Variants in IGF1R observed in about 807,000 individuals in gnomAD.
The protein encoded by IGF1R is insulin-like growth factor 1 receptor.
Under a neutral mutation model 144.6 loss-of-function variants are expected in IGF1R, and 44 were observed. The observed-to-expected ratio is 0.30, with a 90% CI of 0.24 to 0.39. IGF1R has a LOEUF of 0.39. Ranked by LOEUF, IGF1R falls within the 10% of genes least tolerant of loss-of-function variation. The pLI, the probability that IGF1R is intolerant of heterozygous loss-of-function variation, is 1.00. For synonymous variants in IGF1R, 795 were observed against 722.8 expected, an observed-to-expected ratio of 1.10 and a Z score of -1.60; for missense variants, 1,355 against 1,833.7, an observed-to-expected ratio of 0.74 and a Z score of 4.77.
At chr15:98,762,904 G>C (rs1174624245) in intron 2 of IGF1R, among the ~76,000 whole-genome samples, 3 of 151,964 alleles carry the variant, frequency 2.0e-5, no homozygotes, top group Non-Finnish European at 4.4e-5. Context: ...AAATTAGCTG[G>C]GTGTGGTGGC....
chr15:98,867,504 C>CATA lies in IGF1R; in HGVS notation c.641-23820_641-23818dup, dbSNP rs150594498. ...TCACTGCTTGCACACTCCTGCCTTG[C>CATA]ATATGCCTTGCCATCGTGTGGGCCT... On this transcript the variant is annotated intron_variant, in intron 2 of 20. Transcript: ENST00000650285. Among the ~76,000 whole-genome samples the CATA allele has an allele frequency of 9.5e-3, 1,450 of 152,296 alleles. 10 individuals are homozygous for CATA. Among genetic ancestry groups the CATA allele is most frequent in the Middle Eastern group, 0.02 (6 of 294 alleles).
chr15:98,862,465 G>A lies in IGF1R; in HGVS notation c.641-28860G>A, dbSNP rs569111608. On this transcript the variant is annotated intron_variant, in intron 2 of 20. Transcript: ENST00000650285. ...AGAATGGAAAGGGCCCTCAACTTGGGATGCCCGGTTCTCTACCAGCCTGAA... is the reference window on the plus strand; with the variant it reads ...AGAATGGAAAGGGCCCTCAACTTGGAATGCCCGGTTCTCTACCAGCCTGAA... Among the ~76,000 whole-genome samples the A allele has an allele frequency of 3.3e-5, 5 of 152,322 alleles. No individual in the cohort carries two copies. The East Asian group carries it at 7.7e-4, about 23-fold the overall frequency.
chr15:98,684,515 G>A (rs1041421302), intron 1 of IGF1R, among the ~76,000 whole-genome samples: 8 of 152,146 alleles, frequency 5.3e-5, no homozygotes, highest in African/African-American at 1.9e-4. Context: ...ACGTCAGTTG[G>A]CAACCTCTAT....
intron 20 of IGF1R, among the ~76,000 whole-genome samples, chr15:98,949,739 T>TGA (rs2016700423): frequency 6.6e-6 from 1 of 152,142 alleles, no homozygotes; most frequent in Non-Finnish European, 1.5e-5. Flanking sequence ...CGAGAGAGAG[T>TGA]TTGTGATGCC....
At chr15:98,758,979 C>T (rs899699581) in intron 2 of IGF1R, among the ~76,000 whole-genome samples, 1 of 152,174 alleles carries the variant, frequency 6.6e-6, no homozygotes, top group Non-Finnish European at 1.5e-5. Context: ...CTGGATTGCC[C>T]TCAACTATAA....
Position 98,960,434 on chromosome 15 carries a change from G to C in IGF1R, c.*2992G>C, listed in dbSNP as rs1395339750. The C allele has an allele frequency of 4.3e-6, 1 of 232,882 alleles. No homozygotes were observed. Among genetic ancestry groups the C allele is most frequent in the Admixed American group, 5.6e-5 (1 of 17,740 alleles). The allele number at this position is 232,882 out of a possible 1,614,324, so 14.4% of individuals were successfully genotyped here. ...AGGCTGTCCCTGGCTGGTTGTCTTT[G>C]GAACAAACTGCTTCTGTGCAGATGG... On this transcript the variant is annotated 3_prime_UTR_variant, in exon 21 of 21. Transcript: ENST00000650285.
chr15:98,897,835 G>A (rs1005711916), intron 4 of IGF1R, among the ~76,000 whole-genome samples: 2 of 152,072 alleles, frequency 1.3e-5, no homozygotes, highest in African/African-American at 4.8e-5. Flanking sequence ...CTTGGTCAAG[G>A]TACTGATAGT....
chr15:98,727,843 C>A (rs2054398412), intron 2 of IGF1R, among the ~76,000 whole-genome samples: 1 of 152,112 alleles, frequency 6.6e-6, no homozygotes, highest in African/African-American at 2.4e-5. Flanking sequence ...TGCGCTGTCA[C>A]CCCGAAGGAA....
At chr15:98,921,293 T>C (rs993583382) in intron 10 of IGF1R, among the ~76,000 whole-genome samples, 3 of 152,190 alleles carry the variant, frequency 2.0e-5, no homozygotes, top group African/African-American at 7.2e-5. Flanking sequence ...ACAAAGCCCA[T>C]TTCTTCATAT....
At chr15:98,781,259 A>G (rs552857894) in intron 2 of IGF1R, among the ~76,000 whole-genome samples, 1 of 152,176 alleles carries the variant, frequency 6.6e-6, no homozygotes, top group Non-Finnish European at 1.5e-5. Context: ...GCTTGTTTGG[A>G]GCTTGATAAA....
At chr15:98,907,979 G>C (rs1172719303) in intron 5 of IGF1R, among the ~76,000 whole-genome samples, 1 of 152,354 alleles carries the variant, frequency 6.6e-6, no homozygotes, top group East Asian at 1.9e-4. Flanking sequence ...AAGCTCTGGG[G>C]GTGGGGCCCA....
At chr15:98,657,087 T>A (rs1031706021) in intron 1 of IGF1R, among the ~76,000 whole-genome samples, 1 of 152,214 alleles carries the variant, frequency 6.6e-6, no homozygotes, top group South Asian at 2.1e-4. Context: ...GTAAAAAATA[T>A]AGTCGTGGTT....
chr15:98,888,436 A>AGTGTGTGT (rs1213205397), intron 2 of IGF1R, among the ~76,000 whole-genome samples: 1 of 16,708 alleles, frequency 6.0e-5, no homozygotes, highest in South Asian at 6.6e-3. Flanking sequence ...AGAGAGAGAG[A>AGTGTGTGT]GAGTGTGTGT....
At chr15:98,897,360 C>A in intron 4 of IGF1R, 1 of 182,170 alleles carries the variant, frequency 5.5e-6, no homozygotes, top group Non-Finnish European at 1.2e-5. Context: ...TTTATGAAGT[C>A]CAAAAGAATG....
chr15:98,727,287 G>A (rs914748784), intron 2 of IGF1R, among the ~76,000 whole-genome samples: 1 of 152,142 alleles, frequency 6.6e-6, no homozygotes, highest in African/African-American at 2.4e-5. Context: ...TATATGAAGA[G>A]TCAGGAAGTG....
intron 2 of IGF1R, among the ~76,000 whole-genome samples, chr15:98,794,058 T>C (rs1049376691): frequency 6.6e-6 from 1 of 152,198 alleles, no homozygotes; most frequent in Non-Finnish European, 1.5e-5. Context: ...TATTCCTCCC[T>C]AGAAAGGAAA....
chr15:98,797,796 G>GA (rs1161774811), intron 2 of IGF1R, among the ~76,000 whole-genome samples: 2 of 152,224 alleles, frequency 1.3e-5, no homozygotes, highest in African/African-American at 4.8e-5. Context: ...AAAACAAATG[G>GA]AAACATTCTA....
At chr15:98,913,456 G>A (rs941464245) in intron 8 of IGF1R, among the ~76,000 whole-genome samples, 174 bp downstream of exon 8, 2 of 152,186 alleles carry the variant, frequency 1.3e-5, no homozygotes, top group Non-Finnish European at 2.9e-5. Context: ...AGGCTCTTCT[G>A]TGCCATTTTC....
intron 1 of IGF1R, among the ~76,000 whole-genome samples, chr15:98,669,089 T>C (rs1236631093): frequency 6.6e-6 from 1 of 152,228 alleles, no homozygotes; most frequent in Admixed American, 6.5e-5. Context: ...CTCCTATGAC[T>C]GTAAAATCAG....
Sources: gnomAD v4.1 joint callset for allele counts (sites outside exome capture counted in the v4.1 genomes callset) on GRCh38, gnomAD v4.1.1 for gene constraint, MANE v1.5 for transcripts, NCBI Gene and HGNC (gene_info 2026-07-23, HGNC 2026-07-21) for gene names.